MDGA2: variants seen among roughly 807,000 people sequenced by gnomAD.
MDGA2 encodes MAM domain-containing glycosylphosphatidylinositol anchor protein 2.
Under a neutral mutation model 117.8 loss-of-function variants are expected in MDGA2, and 40 were observed. The observed-to-expected ratio is 0.34, with a 90% CI of 0.26 to 0.44. MDGA2 has a LOEUF of 0.44. MDGA2 is among the 20% of genes least tolerant of loss of function. The pLI is 1.00. For missense variants in MDGA2, 1,123 were observed against 1,250.6 expected, an observed-to-expected ratio of 0.90 and a Z score of 1.54; for synonymous variants, 452 against 439.0, an observed-to-expected ratio of 1.03 and a Z score of -0.37.
intron 1 of MDGA2, among the ~76,000 whole-genome samples, chr14:47,575,400 C>A (rs917712465): frequency 6.6e-6 from 1 of 152,170 alleles, no homozygotes; most frequent in Admixed American, 6.5e-5. Context: ...CACATTAATT[C>A]TATCAAAAGC....
intron 1 of MDGA2, among the ~76,000 whole-genome samples, chr14:47,392,495 C>G (rs1566766692): frequency 6.6e-6 from 1 of 152,058 alleles, no homozygotes; most frequent in Non-Finnish European, 1.5e-5. Context: ...CAAGAAAAAT[C>G]TATGTTTATT....
rs532919855 is a variant in MDGA2 at position 47,655,651 on chromosome 14, G to T, written c.280+18866C>A. 4.6e-5 allele frequency among the ~76,000 whole-genome samples: 7 copies of T among 152,120 alleles called. No individual in the cohort carries two copies. In the East Asian group the frequency reaches 1.4e-3, roughly 29 times the overall value. ...ATTGATGCACATTCCAAAATAAAAA[G>T]CAATCTTCCAAAAAAAGAACAAATT... On this transcript the variant is annotated intron_variant, in intron 1 of 16. Transcript: ENST00000399232.
At chr14:47,253,886 A>G (rs960247400) in intron 2 of MDGA2, among the ~76,000 whole-genome samples, 1 of 152,242 alleles carries the variant, frequency 6.6e-6, no homozygotes, top group African/African-American at 2.4e-5. Context: ...AAATCTAGGC[A>G]GAGGTTGCCA....
At chr14:47,254,520 C>T (rs529490556) in intron 2 of MDGA2, among the ~76,000 whole-genome samples, 7 of 152,298 alleles carry the variant, frequency 4.6e-5, no homozygotes, top group South Asian at 2.1e-4. Flanking sequence ...TCGGACTGGA[C>T]GTCATTGTCC....
At chr14:46,960,368 G>A (rs186449982) in intron 8 of MDGA2, 1 of 151,994 alleles carries the variant, frequency 6.6e-6, no homozygotes, top group Admixed American at 6.6e-5. Flanking sequence ...TGTGTCTGAA[G>A]TTATCATTTA....
At chr14:47,226,855 A>G (rs1030552723) in intron 2 of MDGA2, among the ~76,000 whole-genome samples, 1 of 152,168 alleles carries the variant, frequency 6.6e-6, no homozygotes, top group Non-Finnish European at 1.5e-5. Flanking sequence ...CCCATTTTAC[A>G]GCTCCAGTCC....
chr14:47,359,354 A>AAAAC (rs754468319), intron 1 of MDGA2, among the ~76,000 whole-genome samples: 2 of 152,120 alleles, frequency 1.3e-5, no homozygotes, highest in South Asian at 2.1e-4. Flanking sequence ...CTCTGTCTCA[A>AAAAC]AAACAAACAA....
At chr14:46,926,951 T>C (rs1324001339) in intron 9 of MDGA2, among the ~76,000 whole-genome samples, 1 of 152,146 alleles carries the variant, frequency 6.6e-6, no homozygotes, top group African/African-American at 2.4e-5. Context: ...ACATGTGTCT[T>C]CTGACCGGAT....
At chr14:47,541,399 A>G (rs921522487) in intron 1 of MDGA2, among the ~76,000 whole-genome samples, 25 of 152,322 alleles carry the variant, frequency 1.6e-4, no homozygotes, top group East Asian at 3.9e-4. Context: ...AGGAGGCCAC[A>G]TAATTTTCCC....
intron 2 of MDGA2, among the ~76,000 whole-genome samples, chr14:47,246,089 GC>G (rs1190130882): frequency 1.3e-5 from 2 of 151,810 alleles, no homozygotes; most frequent in South Asian, 4.2e-4. Context: ...ACACTATGCT[GC>G]CCTATGCTCT....
chr14:46,989,309 G>T (rs1386286320), intron 8 of MDGA2, among the ~76,000 whole-genome samples: 1 of 148,520 alleles, frequency 6.7e-6, no homozygotes, highest in Non-Finnish European at 1.5e-5. Context: ...ATCAGAAAAG[G>T]ATAGCTGCAC....
chr14:47,201,931 G>A (rs1885522727), intron 3 of MDGA2, among the ~76,000 whole-genome samples: 1 of 152,112 alleles, frequency 6.6e-6, no homozygotes. Context: ...CACATGTACA[G>A]TACATATTAA....
intron 1 of MDGA2, among the ~76,000 whole-genome samples, chr14:47,648,671 A>C (rs2138263949): frequency 1.3e-5 from 2 of 152,290 alleles, no homozygotes; most frequent in South Asian, 4.1e-4. Context: ...AGGAATGGGA[A>C]GTAAAAGCCT....
chr14:47,638,031 G>A (rs1446707940), intron 1 of MDGA2, among the ~76,000 whole-genome samples: 1 of 152,108 alleles, frequency 6.6e-6, no homozygotes, highest in East Asian at 1.9e-4. Context: ...AGTCTTCAAA[G>A]CTACAACAGA....
intron 5 of MDGA2, among the ~76,000 whole-genome samples, chr14:47,128,290 A>G (rs1407452445): frequency 6.6e-6 from 1 of 152,164 alleles, no homozygotes; most frequent in African/African-American, 2.4e-5. Flanking sequence ...ATAAAAATAA[A>G]CTGAGATAAA....
chr14:47,608,761 G>T (rs926016953), intron 1 of MDGA2, among the ~76,000 whole-genome samples: 2 of 152,110 alleles, frequency 1.3e-5, no homozygotes, highest in Admixed American at 6.6e-5. Context: ...AAAACAGACT[G>T]GAGGGGCACA....
At chr14:47,487,644 G>A (rs1449156475) in intron 1 of MDGA2, among the ~76,000 whole-genome samples, 1 of 152,018 alleles carries the variant, frequency 6.6e-6, no homozygotes, top group Non-Finnish European at 1.5e-5. Context: ...AGAATATCAG[G>A]TAATTATTTG....
At chr14:47,105,913 A>T (rs896977816) in intron 5 of MDGA2, among the ~76,000 whole-genome samples, 6 of 151,116 alleles carry the variant, frequency 4.0e-5, no homozygotes, top group African/African-American at 9.8e-5. Flanking sequence ...TCCACCCTAT[A>T]ATCTTTTTAT....
At chr14:46,930,427 AC>A (rs1184540167) in intron 9 of MDGA2, among the ~76,000 whole-genome samples, 1 of 152,156 alleles carries the variant, frequency 6.6e-6, no homozygotes. Flanking sequence ...AGTAAAAAAA[AC>A]AAACTTTGGT....
Sources: gnomAD v4.1 joint callset for allele counts (sites outside exome capture counted in the v4.1 genomes callset) on GRCh38, gnomAD v4.1.1 for gene constraint, MANE v1.5 for transcripts, NCBI Gene and HGNC (gene_info 2026-07-23, HGNC 2026-07-21) for gene names.